The following TRIM66 variants were observed in gnomAD, a reference collection of about 807,000 sequenced individuals.
The protein encoded by TRIM66 is tripartite motif containing 66, also known as tripartite motif-containing protein 66.
TRIM66 carries 99 observed loss-of-function variants against 148.2 expected under a neutral mutation model. The ratio of observed to expected loss-of-function variants is 0.67; its 90% confidence interval spans 0.57 to 0.79. TRIM66 has a LOEUF of 0.79. TRIM66 is among the 30% of genes least tolerant of loss of function. TRIM66 has a pLI of 0.00. For synonymous variants in TRIM66, 616 were observed against 635.9 expected, an observed-to-expected ratio of 0.97 and a Z score of 0.47; for missense variants, 1,666 against 1,697.9, an observed-to-expected ratio of 0.98 and a Z score of 0.33.
At chr11:8,619,282 T>C (rs2033968274) in intron 23 of TRIM66, 101 bp downstream of exon 23, 2 of 1,356,044 alleles carry the variant, frequency 1.5e-6, no homozygotes, top group African/African-American at 1.5e-5. Context: ...TCCCCAGTCC[T>C]CATGGCAGCC....
rs2033766624 is a variant in TRIM66 at position 8,617,058 on chromosome 11, T to C, written c.*886A>G. 6.6e-6 allele frequency: 1 copy of C among 152,196 alleles called. No individual in the cohort carries two copies. The highest frequency in any genetic ancestry group is 2.4e-5 in the African/African-American group (1 of 41,420). 9.4% of individuals were successfully genotyped at this position (152,196 alleles called of 1,614,324 possible). ...ATTCACAAGCAGAACTCACGATCCA[T>C]ACCTCTGAATGAGGATGATGAAGGG... On this transcript the variant is annotated 3_prime_UTR_variant, in exon 25 of 25. Transcript: ENST00000646038.
chr11:8,642,986 T>C, intron 13 of TRIM66, 23 bp downstream of exon 13: 2 of 1,526,474 alleles, frequency 1.3e-6, no homozygotes, highest in Non-Finnish European at 1.8e-6. Flanking sequence ...TGGGTAGGCC[T>C]GGGTGGGTGG....
chr11:8,629,877 C>G (rs950259208), intron 15 of TRIM66, among the ~76,000 whole-genome samples: 2 of 152,094 alleles, frequency 1.3e-5, no homozygotes, highest in African/African-American at 4.8e-5. Flanking sequence ...AAAATTTCCA[C>G]GGAGGAAGGG....
intron 3 of TRIM66, chr11:8,679,146 T>C (rs1263323471): frequency 6.6e-6 from 1 of 152,246 alleles, no homozygotes; most frequent in Non-Finnish European, 1.5e-5. Context: ...GCCAAATATC[T>C]GGCTGCTACT....
rs1252321546 is a variant in TRIM66, at chr11:8,617,990, G to A, written c.4133C>T (p.Ala1378Val). The change falls in exon 25 of 25, where the codon GCA becomes GTA. Residue 1378 changes from alanine (A) to valine (V), a missense_variant. Coordinates refer to ENST00000646038, the MANE Select transcript of TRIM66 (RefSeq NM_001388022.1). Reference protein sequence around the residue: ...RRRRHMENERAKRMSFRLANS... With the variant: ...RRRRHMENERVKRMSFRLANS... ...GGCCAGGCGAAATGACATTCTTTTT[G>A]CTCTTTCATTCTCCTGAAAGAAAAA... 1.3e-6 allele frequency: 2 copies of A among 1,551,494 alleles called. No homozygotes were observed. The highest frequency in any genetic ancestry group is 2.7e-5 in the African/African-American group (2 of 73,020).
At chr11:8,642,869 G>A (rs868180249) in intron 13 of TRIM66, 140 bp downstream of exon 13, 32 of 167,406 alleles carry the variant, frequency 1.9e-4, no homozygotes, top group African/African-American at 7.8e-4. Flanking sequence ...AAAAAAAAAA[G>A]GTTTGCTGAA....
At chr11:8,619,086 C>G (rs1293541279) in intron 23 of TRIM66, 118 bp from the exon 24 acceptor site, 3 of 963,260 alleles carry the variant, frequency 3.1e-6, no homozygotes, top group Non-Finnish European at 4.6e-6. Flanking sequence ...GTGTCTGGAA[C>G]TTGACATTTT....
intron 15 of TRIM66, among the ~76,000 whole-genome samples, chr11:8,638,300 G>T (rs2036062453): frequency 6.6e-6 from 1 of 152,220 alleles, no homozygotes; most frequent in Non-Finnish European, 1.5e-5. Context: ...GTACAATGGG[G>T]ATGCTCACTT....
At chr11:8,680,781 A>G (rs1444025052) in intron 1 of TRIM66, 1 of 152,336 alleles carries the variant, frequency 6.6e-6, no homozygotes, top group African/African-American at 2.4e-5. Flanking sequence ...AGATAAGGAC[A>G]AGGACAGAAG....
intron 13 of TRIM66, 80 bp downstream of exon 13, chr11:8,642,929 T>C (rs1167464241): frequency 2.3e-6 from 2 of 865,924 alleles, no homozygotes; most frequent in East Asian, 3.6e-5. Flanking sequence ...CTTGGGCATA[T>C]GCTGACCTAC....
chr11:8,643,493 C>T (rs1399328118), intron 12 of TRIM66, among the ~76,000 whole-genome samples: 2 of 152,086 alleles, frequency 1.3e-5, no homozygotes, highest in Non-Finnish European at 2.9e-5. Context: ...GTGCCCGCCA[C>T]CACGCCCAGC....
intron 10 of TRIM66, among the ~76,000 whole-genome samples, chr11:8,647,507 G>A (rs2036971233): frequency 6.6e-6 from 1 of 152,084 alleles, no homozygotes; most frequent in Non-Finnish European, 1.5e-5. Flanking sequence ...TGACACATGA[G>A]GTGCTCTCAG....
chr11:8,622,460 G>T (rs1021767132), intron 18 of TRIM66, among the ~76,000 whole-genome samples: 1 of 148,694 alleles, frequency 6.7e-6, no homozygotes, highest in African/African-American at 2.5e-5. Context: ...GATCCTCTTG[G>T]ATTTGGACTC....
At position 8,617,906 on chromosome 11, in the gene TRIM66, G is replaced by A. The variant is rs1437477145; in HGVS notation, c.*38C>T. The A allele has an allele frequency of 5.8e-6, 9 of 1,547,256 alleles. No homozygotes were observed. Among genetic ancestry groups the A allele is most frequent in the Middle Eastern group, 1.7e-4 (1 of 5,982 alleles). On this transcript the variant is annotated 3_prime_UTR_variant, in exon 25 of 25. Coordinates refer to ENST00000646038, the MANE Select transcript of TRIM66 (RefSeq NM_001388022.1). Reference sequence around the variant, plus strand: ...TGGGGAGGAATGGTCGACAGTATGGGACAACAGCTGCCAGAGTGCCCAGTC... The same window carrying A: ...TGGGGAGGAATGGTCGACAGTATGGAACAACAGCTGCCAGAGTGCCCAGTC...
intron 15 of TRIM66, 37 bp from the exon 16 acceptor site, chr11:8,625,265 T>C (rs1260592285): frequency 1.4e-6 from 2 of 1,458,986 alleles, no homozygotes; most frequent in Non-Finnish European, 9.1e-7. Flanking sequence ...GTCAGGCTGC[T>C]AGCTGGGAAT....
intron 1 of TRIM66, 184 bp downstream of exon 1, chr11:8,682,417 A>T (rs2039480852): frequency 1.6e-5 from 4 of 257,536 alleles, no homozygotes; most frequent in East Asian, 1.2e-4. Context: ...GGGGCGGCTC[A>T]GGGCTGGCGC....
intron 6 of TRIM66, among the ~76,000 whole-genome samples, chr11:8,662,873 A>AT (rs2038351373): frequency 6.6e-6 from 1 of 152,238 alleles, no homozygotes; most frequent in African/African-American, 2.4e-5. Flanking sequence ...CAGAGCCAGC[A>AT]TATGGTAAGA....
chr11:8,625,352 CTGCTG>C, intron 15 of TRIM66, 124 bp from the exon 16 acceptor site: 1 of 687,176 alleles, frequency 1.5e-6, no homozygotes, highest in Non-Finnish European at 1.9e-6. Context: ...AGTCTGGTAG[CTGCTG>C]GTAGCTGCCA....
At chr11:8,630,824 T>C (rs940131365) in intron 15 of TRIM66, among the ~76,000 whole-genome samples, 6 of 152,162 alleles carry the variant, frequency 3.9e-5, no homozygotes, top group African/African-American at 1.4e-4. Flanking sequence ...CTACCTGTCT[T>C]TACCATCTAA....
Sources: gnomAD v4.1 joint callset for allele counts (sites outside exome capture counted in the v4.1 genomes callset) on GRCh38, gnomAD v4.1.1 for gene constraint, MANE v1.5 for transcripts, NCBI Gene and HGNC (gene_info 2026-07-23, HGNC 2026-07-21) for gene names.